The following GRM7 variants were observed in gnomAD, a reference collection of about 807,000 sequenced individuals.
The protein encoded by GRM7 is glutamate metabotropic receptor 7.
In GRM7, 35 loss-of-function variants were observed where a neutral mutation model predicts 84.5. That is an observed-to-expected ratio of 0.41 (90% CI 0.32 to 0.55). The LOEUF (loss-of-function observed/expected upper bound fraction) is 0.55. GRM7 is among the 20% of genes least tolerant of loss of function. GRM7 has a pLI of 0.19. For missense variants in GRM7, 1,003 were observed against 1,194.6 expected, an observed-to-expected ratio of 0.84 and a Z score of 2.36; for synonymous variants, 487 against 455.1, an observed-to-expected ratio of 1.07 and a Z score of -0.89.
intron 2 of GRM7, among the ~76,000 whole-genome samples, chr3:7,219,874 C>G (rs149646794): frequency 6.6e-6 from 1 of 152,198 alleles, no homozygotes; most frequent in African/African-American, 2.4e-5. Context: ...TCTGGAGTAT[C>G]TTGTGGTGCT....
At chr3:7,159,733 T>C (rs544488765) in intron 2 of GRM7, among the ~76,000 whole-genome samples, 88 of 152,308 alleles carry the variant, frequency 5.8e-4, no homozygotes, top group African/African-American at 2.1e-3. Context: ...TAGTGATGCC[T>C]ATCTGTCTGT....
At position 7,313,368 on chromosome 3, in the gene GRM7, A is replaced by G. The variant is rs149659563; in HGVS notation, c.1033+6716A>G. Among the ~76,000 whole-genome samples, 790 of 152,238 alleles carry G rather than the reference A, an allele frequency of 5.2e-3. 10 individuals carry two copies. The highest frequency in any genetic ancestry group is 0.018 in the African/African-American group (759 of 41,548). On this transcript the variant is annotated intron_variant, in intron 4 of 9. Coordinates refer to ENST00000357716, the MANE Select transcript of GRM7 (RefSeq NM_000844.4). ...AAGCAAAAAGCCTAGGCCCATGATG[A>G]CCTTACTTAAGCTGTCAAACCAGTC...
At chr3:7,098,375 C>CAATT (rs1698929719) in intron 1 of GRM7, among the ~76,000 whole-genome samples, 1 of 151,946 alleles carries the variant, frequency 6.6e-6, no homozygotes, top group Non-Finnish European at 1.5e-5. Flanking sequence ...AATTCACCTA[C>CAATT]AATTATATGA....
intron 2 of GRM7, among the ~76,000 whole-genome samples, chr3:7,278,886 T>G (rs377545323): frequency 9.9e-5 from 15 of 152,272 alleles, no homozygotes; most frequent in African/African-American, 2.6e-4. Context: ...ACAATCATCA[T>G]TTAGCTTTTT....
intron 1 of GRM7, among the ~76,000 whole-genome samples, chr3:7,057,806 T>A (rs1697280144): frequency 6.6e-6 from 1 of 151,934 alleles, no homozygotes; most frequent in Non-Finnish European, 1.5e-5. Context: ...TATATCAGGA[T>A]GATCTCTCGA....
intron 1 of GRM7, among the ~76,000 whole-genome samples, chr3:6,977,133 G>A (rs147077126): frequency 4.0e-4 from 61 of 152,196 alleles, no homozygotes; most frequent in African/African-American, 1.3e-3. Flanking sequence ...AAGTTGTGGC[G>A]AAACCAAGTG....
chr3:7,693,907 A>G (rs566658854), intron 9 of GRM7, among the ~76,000 whole-genome samples: 53 of 152,290 alleles, frequency 3.5e-4, no homozygotes, highest in African/African-American at 1.2e-3. Flanking sequence ...AATATTGTCT[A>G]GGAGCTTTAT....
intron 1 of GRM7, among the ~76,000 whole-genome samples, chr3:7,091,985 TTTTTA>T (rs1559433704): frequency 1.3e-5 from 2 of 151,688 alleles, no homozygotes; most frequent in East Asian, 1.9e-4. Context: ...ATGTATTCAG[TTTTTA>T]TTTTATTTAT....
intron 9 of GRM7, among the ~76,000 whole-genome samples, chr3:7,702,880 T>C (rs162765): frequency 0.49 from 73,905 of 151,798 alleles, 18,333 homozygotes; most frequent in Non-Finnish European, 0.53. Context: ...TACACTGAAA[T>C]ACAGAGGAGA....
chr3:7,730,095 G>A (rs1263669344), intron 9 of GRM7, among the ~76,000 whole-genome samples: 11 of 145,758 alleles, frequency 7.5e-5, no homozygotes, highest in East Asian at 2.3e-4. Flanking sequence ...GGCTGGTTTC[G>A]ATCTGTTGAC....
intron 4 of GRM7, among the ~76,000 whole-genome samples, chr3:7,312,256 C>T (rs556136519): frequency 9.2e-5 from 14 of 152,210 alleles, no homozygotes; most frequent in African/African-American, 2.9e-4. Context: ...ACACCACATG[C>T]GGTGTCTTGG....
At chr3:7,139,674 C>T (rs191529066) in intron 1 of GRM7, among the ~76,000 whole-genome samples, 2 of 151,926 alleles carry the variant, frequency 1.3e-5, no homozygotes, top group Admixed American at 1.3e-4. Context: ...AGTGATATGT[C>T]GATACAGCTG....
intron 4 of GRM7, among the ~76,000 whole-genome samples, chr3:7,404,308 G>T (rs1695584600): frequency 6.6e-6 from 1 of 152,044 alleles, no homozygotes; most frequent in South Asian, 2.1e-4. Flanking sequence ...TAATCTAAAG[G>T]CTGTCTTCTA....
chr3:7,121,134 A>G (rs1012691937), intron 1 of GRM7, among the ~76,000 whole-genome samples: 1 of 152,194 alleles, frequency 6.6e-6, no homozygotes, highest in African/African-American at 2.4e-5. Context: ...TATCATGAGA[A>G]CTTTCTGTGA....
chr3:7,068,360 A>G (rs1437782185), intron 1 of GRM7, among the ~76,000 whole-genome samples: 2 of 152,074 alleles, frequency 1.3e-5, no homozygotes, highest in African/African-American at 4.8e-5. Flanking sequence ...TGGGAATCAC[A>G]TCGATTTAAA....
intron 3 of GRM7, among the ~76,000 whole-genome samples, chr3:7,302,397 T>A (rs1700033249): frequency 6.6e-6 from 1 of 152,158 alleles, no homozygotes; most frequent in Non-Finnish European, 1.5e-5. Flanking sequence ...TTAATTATAT[T>A]CTTATAACCT....
At chr3:7,323,962 G>A (rs912594318) in intron 4 of GRM7, among the ~76,000 whole-genome samples, 4 of 152,138 alleles carry the variant, frequency 2.6e-5, no homozygotes, top group Non-Finnish European at 4.4e-5. Flanking sequence ...TCATGGATAT[G>A]ATGGATATTA....
intron 1 of GRM7, among the ~76,000 whole-genome samples, chr3:7,104,879 T>A (rs1195458042): frequency 1.3e-5 from 2 of 151,846 alleles, no homozygotes; most frequent in African/African-American, 4.8e-5. Context: ...CTCTCTGGTC[T>A]GGCATCCAGA....
At chr3:7,259,953 G>GTTTTCTTTTTT (rs1553638861) in intron 2 of GRM7, among the ~76,000 whole-genome samples, 1 of 89,668 alleles carries the variant, frequency 1.1e-5, no homozygotes, top group Non-Finnish European at 1.9e-5. Flanking sequence ...ACCAGCATCT[G>GTTTTCTTTTTT]TTTTTTTTTT....
Sources: allele counts gnomAD v4.1 joint callset (sites outside exome capture counted in the v4.1 genomes callset), GRCh38; gene constraint gnomAD v4.1.1; transcripts MANE v1.5; gene names NCBI Gene and HGNC (gene_info 2026-07-23, HGNC 2026-07-21).